Variants in IMPG1 observed in about 807,000 individuals in gnomAD.
The protein encoded by IMPG1 is interphotoreceptor matrix proteoglycan 1, also known as interphotoreceptor matrix proteoglycan of 150 kDa.
A neutral mutation model predicts 92.0 loss-of-function variants in IMPG1; 85 were observed. That is an observed-to-expected ratio of 0.92 (90% CI 0.78 to 1.11). The LOEUF (loss-of-function observed/expected upper bound fraction) is 1.11, where lower values mean the gene tolerates loss of function less well. Ranked by LOEUF, IMPG1 falls within the 50% of genes least tolerant of loss-of-function variation. The pLI, the probability that IMPG1 is intolerant of heterozygous loss-of-function variation, is 0.00. For synonymous variants in IMPG1, 367 were observed against 334.1 expected, an observed-to-expected ratio of 1.10 and a Z score of -1.08; for missense variants, 1,022 against 956.0, an observed-to-expected ratio of 1.07 and a Z score of -0.91.
chr6:75,994,461 G>C (rs1002028959), intron 12 of IMPG1, among the ~76,000 whole-genome samples: 1 of 152,150 alleles, frequency 6.6e-6, no homozygotes, highest in East Asian at 1.9e-4. Flanking sequence ...GTATTAGTCT[G>C]TTCTCATACT....
At chr6:76,002,567 C>T (rs914964447) in intron 12 of IMPG1, among the ~76,000 whole-genome samples, 6 of 152,302 alleles carry the variant, frequency 3.9e-5, no homozygotes, top group Non-Finnish European at 7.3e-5. Flanking sequence ...GCCTTAGGAC[C>T]TACCTTGTCC....
intron 14 of IMPG1, among the ~76,000 whole-genome samples, chr6:75,942,395 A>T (rs891143622): frequency 6.6e-6 from 1 of 152,188 alleles, no homozygotes; most frequent in Non-Finnish European, 1.5e-5. Flanking sequence ...TTCTGTTATC[A>T]TCAGGGATTT....
rs149052769 is a variant in IMPG1 at position 75,972,485 on chromosome 6, C to A, written c.1292-21391G>T. Among the ~76,000 whole-genome samples, 371 of 152,028 alleles carry A rather than the reference C, an allele frequency of 2.4e-3. 2 individuals are homozygous for A. The highest frequency in any genetic ancestry group is 3.7e-3 in the Non-Finnish European group (250 of 67,996). On this transcript the variant is annotated intron_variant, in intron 12 of 16. Coordinates refer to ENST00000369950, the MANE Select transcript of IMPG1 (RefSeq NM_001563.4). ...GGAAGGGCTAATTACAAAGAAGCAC[C>A]CTTCTTCATATGACTTAATAAGACC... is the stretch of plus-strand genomic sequence containing the variant.
intron 1 of IMPG1, among the ~76,000 whole-genome samples, chr6:76,061,323 A>T (rs540082127): frequency 6.6e-5 from 10 of 152,234 alleles, no homozygotes; most frequent in Non-Finnish European, 1.2e-4. Flanking sequence ...TGAACAAGAA[A>T]GTCTGTCTGG....
intron 7 of IMPG1, among the ~76,000 whole-genome samples, chr6:76,015,551 A>G (rs1294109890): frequency 6.6e-6 from 1 of 152,016 alleles, no homozygotes; most frequent in African/African-American, 2.4e-5. Flanking sequence ...CTGTAATCCC[A>G]GCACTTTGGG....
intron 12 of IMPG1, among the ~76,000 whole-genome samples, chr6:75,981,716 A>G (rs1245191458): frequency 6.6e-6 from 1 of 152,220 alleles, no homozygotes; most frequent in Non-Finnish European, 1.5e-5. Context: ...TTCTGTAAAT[A>G]CATGTTTTGA....
Position 76,041,945 on chromosome 6 carries a change from C to T in IMPG1, c.249G>A (p.Gln83=). The change falls in exon 2 of 17, where the codon CAG becomes CAA. Residue 83 remains glutamine, a synonymous_variant. Coordinates refer to ENST00000369950, the MANE Select transcript of IMPG1 (RefSeq NM_001563.4). The part of the protein sequence containing the change: ...FFPTGVKVCP[Q]ESMKQILDSL... Reference sequence around the variant, plus strand: ...TGTCTAAAATCTGTTTCATGGATTCCTGTGGACAGACTTTAACCCCCGTTG... The same window carrying T: ...TGTCTAAAATCTGTTTCATGGATTCTTGTGGACAGACTTTAACCCCCGTTG... The T allele has an allele frequency of 6.2e-7, 1 of 1,613,948 alleles. No homozygotes were observed. Among genetic ancestry groups the T allele is most frequent in the Non-Finnish European group, 8.5e-7 (1 of 1,179,878 alleles).
intron 12 of IMPG1, among the ~76,000 whole-genome samples, chr6:75,995,074 T>C (rs999619483): frequency 6.6e-6 from 1 of 152,212 alleles, no homozygotes; most frequent in Non-Finnish European, 1.5e-5. Context: ...ACATTATTCA[T>C]CAATCAGGCC....
intron 1 of IMPG1, among the ~76,000 whole-genome samples, chr6:76,071,399 A>T (rs1235199201): frequency 6.6e-6 from 1 of 150,860 alleles, no homozygotes; most frequent in Non-Finnish European, 1.5e-5. Context: ...ATGATTTTAT[A>T]AATGTAAATA....
intron 1 of IMPG1, among the ~76,000 whole-genome samples, chr6:76,050,072 A>C (rs752652192): frequency 1.3e-4 from 20 of 152,174 alleles, no homozygotes; most frequent in Non-Finnish European, 2.6e-4. Flanking sequence ...ATCCTAAAAA[A>C]CAGTCAAATC....
intron 7 of IMPG1, among the ~76,000 whole-genome samples, chr6:76,017,636 A>G (rs1783313564): frequency 6.6e-6 from 1 of 152,236 alleles, no homozygotes; most frequent in African/African-American, 2.4e-5. Context: ...GTCTATAAGT[A>G]TATACCAGTG....
Position 75,943,772 on chromosome 6 carries a change from A to G in IMPG1, c.2044+3542T>C, listed in dbSNP as rs535247810. ...TCTTTTCATTTATTTCTACTCCTACATTCTCTCTTCTGTTCAGGCTTGACA... is the reference window on the plus strand; with the variant it reads ...TCTTTTCATTTATTTCTACTCCTACGTTCTCTCTTCTGTTCAGGCTTGACA... On this transcript the variant is annotated intron_variant, in intron 14 of 16. Coordinates refer to ENST00000369950, the MANE Select transcript of IMPG1 (RefSeq NM_001563.4). Among the ~76,000 whole-genome samples the G allele has an allele frequency of 2.6e-5, 4 of 152,252 alleles. No individual in the cohort carries two copies. In the South Asian group the frequency reaches 8.3e-4, roughly 32 times the overall value.
chr6:76,063,292 G>T (rs910071971), intron 1 of IMPG1, among the ~76,000 whole-genome samples: 3 of 152,032 alleles, frequency 2.0e-5, no homozygotes, highest in Admixed American at 1.3e-4. Flanking sequence ...AGTTACAGTT[G>T]AATGATTTTA....
intron 1 of IMPG1, among the ~76,000 whole-genome samples, chr6:76,043,481 GT>G (rs3836992): frequency 0.56 from 85,218 of 151,844 alleles, 24,712 homozygotes; most frequent in Non-Finnish European, 0.64. Flanking sequence ...AGAGTGCCCT[GT>G]GTTCCTCTTG....
intron 4 of IMPG1, 32 bp downstream of exon 4, chr6:76,034,283 A>G (rs201301940): frequency 6.7e-7 from 1 of 1,487,816 alleles, no homozygotes; most frequent in Non-Finnish European, 9.3e-7. Flanking sequence ...ATTCAAAAGC[A>G]CACACACACA....
intron 7 of IMPG1, among the ~76,000 whole-genome samples, chr6:76,018,275 C>A (rs1232885762): frequency 6.6e-6 from 1 of 152,102 alleles, no homozygotes; most frequent in Non-Finnish European, 1.5e-5. Context: ...ACAATTGTAA[C>A]AATACACTAC....
At chr6:75,922,778 A>C (rs1448144210) in intron 16 of IMPG1, among the ~76,000 whole-genome samples, 1 of 152,172 alleles carries the variant, frequency 6.6e-6, no homozygotes, top group Non-Finnish European at 1.5e-5. Context: ...TCAGGAAACC[A>C]AAGTGGCACA....
In IMPG1 at chr6:75,923,635, T is replaced by A; in HGVS notation, c.2315A>T (p.Lys772Met). ...VKKFQNQQNNKVISKRNSELL... is the reference protein window; with the variant it reads ...VKKFQNQQNNMVISKRNSELL... ...CCAACTTAGAAAGTATGATTTTACC[T>A]TGTTATTTTGTTGATTTTGGAACTT... The change falls in exon 16 of 17, where the codon AAG becomes ATG. Residue 772 changes from lysine (K) to methionine (M), a missense_variant and splice_region_variant. Coordinates refer to ENST00000369950, the MANE Select transcript of IMPG1 (RefSeq NM_001563.4). The A allele has an allele frequency of 1.4e-6, 2 of 1,472,062 alleles. No homozygotes were observed. Among genetic ancestry groups the A allele is most frequent in the Non-Finnish European group, 9.5e-7 (1 of 1,052,482 alleles). 91.2% of individuals were successfully genotyped at this position (1,472,062 alleles called of 1,614,324 possible).
intron 5 of IMPG1, among the ~76,000 whole-genome samples, chr6:76,024,058 C>T (rs1373294174): frequency 3.9e-5 from 6 of 152,038 alleles, no homozygotes; most frequent in African/African-American, 1.4e-4. Context: ...CTATGTAGCT[C>T]TTCTTTTTAT....
Sources: gnomAD v4.1 joint callset for allele counts (sites outside exome capture counted in the v4.1 genomes callset) on GRCh38, gnomAD v4.1.1 for gene constraint, MANE v1.5 for transcripts, NCBI Gene and HGNC (gene_info 2026-07-23, HGNC 2026-07-21) for gene names.